Variants in THOP1 observed in about 807,000 individuals in gnomAD.
The protein encoded by THOP1 is thimet oligopeptidase 1, also known as thimet oligopeptidase.
A neutral mutation model predicts 71.8 loss-of-function variants in THOP1; 49 were observed. The observed-to-expected ratio is 0.68, with a 90% CI of 0.54 to 0.87. THOP1 has a LOEUF of 0.87. Ranked by LOEUF, THOP1 falls within the 40% of genes least tolerant of loss-of-function variation. The probability of loss-of-function intolerance (pLI) is 0.00; values close to 1 mark genes in which losing one functional copy is unlikely to be tolerated. For synonymous variants in THOP1, 426 were observed against 421.5 expected, an observed-to-expected ratio of 1.01 and a Z score of -0.13; for missense variants, 843 against 975.6, an observed-to-expected ratio of 0.86 and a Z score of 1.81.
chr19:2,803,866 T>C (rs565503308), intron 5 of THOP1, among the ~76,000 whole-genome samples: 19 of 152,252 alleles, frequency 1.2e-4, no homozygotes, highest in Admixed American at 9.8e-4. Flanking sequence ...AACCGGATCA[T>C]TCTTTCCACC....
chr19:2,791,051 G>A (rs533245244), intron 2 of THOP1, among the ~76,000 whole-genome samples: 1 of 152,222 alleles, frequency 6.6e-6, no homozygotes, highest in Non-Finnish European at 1.5e-5. Context: ...GGGAAGGCGG[G>A]TATTTGTTTC....
Position 2,811,742 on chromosome 19 carries a change from GGGA to G in THOP1, c.1908+9_1908+11del. ...GGTGTCCTGAACAGCAAGGTACGCG[GGGA>G]CTGGGGACAGGGAGGGCGTCCTGAA... On this transcript the variant is annotated intron_variant, in intron 12 of 12. Transcript: ENST00000307741. 6.4e-7 allele frequency: 1 copy of G among 1,573,436 alleles called. No individual in the cohort carries two copies. The highest frequency in any genetic ancestry group is 8.6e-7 in the Non-Finnish European group (1 of 1,157,394).
chr19:2,789,363 G>A (rs762385296), intron 1 of THOP1, among the ~76,000 whole-genome samples: 3 of 152,264 alleles, frequency 2.0e-5, no homozygotes, highest in East Asian at 1.9e-4. Context: ...CGCCCTTCCC[G>A]CAGCTGCTCT....
chr19:2,789,250 C>T (rs1915822135), intron 1 of THOP1, among the ~76,000 whole-genome samples: 1 of 152,184 alleles, frequency 6.6e-6, no homozygotes, highest in Admixed American at 6.5e-5. Flanking sequence ...CCCCCTGGAC[C>T]CTCTGCAGAA....
chr19:2,805,881 ACGGGCGGG>A lies in THOP1; in HGVS notation c.750+706_750+713del, dbSNP rs1916277109. The A allele has an allele frequency of 1.0e-5, 1 of 100,148 alleles. No individual in the cohort carries two copies. Among genetic ancestry groups the A allele is most frequent in the Non-Finnish European group, 2.0e-5 (1 of 49,266 alleles). 6.2% of individuals were successfully genotyped at this position (100,148 alleles called of 1,614,324 possible). On this transcript the variant is annotated intron_variant, in intron 6 of 12. Coordinates refer to ENST00000307741, the MANE Select transcript of THOP1 (RefSeq NM_003249.5). This position sits in a 1 kb window ranked among gnomAD's most constrained non-coding sequence, Gnocchi z 6.6. ...GGCGGGTGCCCATCACTGCGGGGGG[ACGGGCGGG>A]TGCCCATCACTGCGGGGGGACGGGC...
At chr19:2,797,445 A>C (rs1916046672) in intron 4 of THOP1, among the ~76,000 whole-genome samples, 1 of 152,194 alleles carries the variant, frequency 6.6e-6, no homozygotes, top group African/African-American at 2.4e-5. Context: ...GATCTTTCCG[A>C]GGCCGGCCAC....
chr19:2,803,428 A>G (rs1263534084), intron 5 of THOP1, among the ~76,000 whole-genome samples: 1 of 152,188 alleles, frequency 6.6e-6, no homozygotes, highest in African/African-American at 2.4e-5. Flanking sequence ...TGAACTATGC[A>G]TTCGTGAACT....
chr19:2,808,093 C>A, intron 8 of THOP1, 150 bp from the exon 9 acceptor site: 1 of 970,466 alleles, frequency 1.0e-6, no homozygotes, highest in Non-Finnish European at 1.5e-6. Flanking sequence ...TGCTGCCCTG[C>A]GCCAAGCCAC....
chr19:2,789,170 T>G (rs976893790), intron 1 of THOP1, among the ~76,000 whole-genome samples: 2 of 152,348 alleles, frequency 1.3e-5, no homozygotes, highest in Admixed American at 1.3e-4. Context: ...CAGAACTGTT[T>G]GTTGGCCCCC....
chr19:2,794,969 G>A (rs1192100494), intron 3 of THOP1, 57 bp downstream of exon 3: 24 of 1,566,568 alleles, frequency 1.5e-5, no homozygotes, highest in Admixed American at 5.2e-5. Flanking sequence ...GATTACAGGC[G>A]CCCGCCACCA....
chr19:2,808,496 C>T, intron 9 of THOP1, 52 bp downstream of exon 9: 2 of 1,514,970 alleles, frequency 1.3e-6, no homozygotes, highest in Non-Finnish European at 8.9e-7. Flanking sequence ...CAGGGGCTGC[C>T]TGTGGTCAGC....
intron 12 of THOP1, chr19:2,812,007 C>A: frequency 9.8e-7 from 1 of 1,024,852 alleles, no homozygotes; most frequent in Non-Finnish European, 1.4e-6. Context: ...CTGCCCACAG[C>A]TCCTCCCTGG....
chr19:2,812,968 T>C (rs1417435827), intron 12 of THOP1, 147 bp from the exon 13 acceptor site: 2 of 866,800 alleles, frequency 2.3e-6, no homozygotes, highest in African/African-American at 3.4e-5. Flanking sequence ...CTCCCACCTG[T>C]GCTGATGCAG....
chr19:2,807,921 G>T, intron 8 of THOP1, 113 bp downstream of exon 8: 1 of 1,263,138 alleles, frequency 7.9e-7, no homozygotes, highest in Non-Finnish European at 1.1e-6. Flanking sequence ...GGGGCCTCGG[G>T]GATGAACCCC....
intron 10 of THOP1, 41 bp from the exon 11 acceptor site, chr19:2,810,599 G>A: frequency 6.5e-7 from 1 of 1,538,554 alleles, no homozygotes; most frequent in East Asian, 2.5e-5. Flanking sequence ...AGTGGGCCGG[G>A]GCAGGTGCAG....
intron 4 of THOP1, among the ~76,000 whole-genome samples, chr19:2,798,710 T>C (rs1184072287): frequency 2.0e-5 from 3 of 152,244 alleles, no homozygotes; most frequent in Non-Finnish European, 2.9e-5. Context: ...ACAGGCTCCC[T>C]GCAAAGTCCT....
Position 2,805,224 on chromosome 19 carries a change from G to T in THOP1, c.750+48G>T. 1 of 1,572,734 alleles carries T rather than the reference G, an allele frequency of 6.4e-7. No individual in the cohort carries two copies. Among genetic ancestry groups the T allele is most frequent in the Non-Finnish European group, 8.6e-7 (1 of 1,160,158 alleles). On this transcript the variant is annotated intron_variant, in intron 6 of 12. Coordinates refer to ENST00000307741, the MANE Select transcript of THOP1 (RefSeq NM_003249.5). The surrounding 1 kb of genome is among the most constrained non-coding windows in gnomAD (Gnocchi z 6.6). The stretch of plus-strand genomic sequence containing the variant: ...CCCCAGAACAGTGGGTCTGGAGCTT[G>T]TGGGGCCCGTCTGCTCCATGTGTGT...
intron 2 of THOP1, among the ~76,000 whole-genome samples, chr19:2,791,278 C>A (rs1481040686): frequency 6.6e-6 from 1 of 152,204 alleles, no homozygotes; most frequent in East Asian, 1.9e-4. Flanking sequence ...CCTGCCTGAC[C>A]AAGAGACCCA....
At position 2,807,609 on chromosome 19, in the gene THOP1, G is replaced by T; in HGVS notation, c.1054G>T (p.Asp352Tyr). 1 of 1,612,586 alleles carries T rather than the reference G, an allele frequency of 6.2e-7. No homozygotes were observed. Residue 352 changes from aspartate to tyrosine, a missense_variant, in exon 8 of 13, where the codon GAC becomes TAC. Coordinates refer to ENST00000307741, the MANE Select transcript of THOP1 (RefSeq NM_003249.5). ...GGTGGAGGAGACGCGCTACTGCGTGGACCAGAACCTGCTCAAGGAGTACTT... is the reference window on the plus strand; with the variant it reads ...GGTGGAGGAGACGCGCTACTGCGTGTACCAGAACCTGCTCAAGGAGTACTT... ...NQVEETRYCV[D>Y]QNLLKEYFPV...
Sources: allele counts gnomAD v4.1 joint callset (sites outside exome capture counted in the v4.1 genomes callset), GRCh38; gene constraint gnomAD v4.1.1; non-coding constraint Gnocchi (gnomAD v3.1); transcripts MANE v1.5; gene names NCBI Gene and HGNC (gene_info 2026-07-23, HGNC 2026-07-21).